Variants in CNTN5 observed in about 807,000 individuals in gnomAD.
CNTN5 encodes contactin-5.
In CNTN5, 77 loss-of-function variants were observed where a neutral mutation model predicts 129.1. The observed-to-expected ratio is 0.60, with a 90% CI of 0.50 to 0.72. The LOEUF is 0.72. CNTN5 is among the 30% of genes least tolerant of loss of function. The pLI, the probability that CNTN5 is intolerant of heterozygous loss-of-function variation, is 0.00. For missense variants in CNTN5, 1,478 were observed against 1,328.8 expected (o/e 1.11, Z -1.75); for synonymous variants, 509 against 465.6 (o/e 1.09, Z -1.20).
At chr11:99,249,054 G>C (rs1861965162) in intron 1 of CNTN5, among the ~76,000 whole-genome samples, 1 of 152,082 alleles carries the variant, frequency 6.6e-6, no homozygotes, top group South Asian at 2.1e-4. Context: ...AATTACCTTG[G>C]GCAGTATGGC....
intron 2 of CNTN5, among the ~76,000 whole-genome samples, chr11:99,552,453 T>C (rs1948524370): frequency 6.6e-6 from 1 of 152,036 alleles, no homozygotes; most frequent in Admixed American, 6.6e-5. Context: ...GCACTGATAA[T>C]TGCTAAGAAT....
chr11:99,736,785 C>T (rs1943725407), intron 3 of CNTN5, among the ~76,000 whole-genome samples: 1 of 151,938 alleles, frequency 6.6e-6, no homozygotes, highest in Non-Finnish European at 1.5e-5. Flanking sequence ...AGAGACAATA[C>T]CTACTCAAAG....
At chr11:99,792,573 G>GTGTGTGTGTGTGTCTGTCTGTCTGTC (rs34622017) in intron 3 of CNTN5, among the ~76,000 whole-genome samples, 1 of 116,614 alleles carries the variant, frequency 8.6e-6, no homozygotes, top group African/African-American at 3.7e-5. Context: ...GTGTGTGTGT[G>GTGTGTGTGTGTGTCTGTCTGTCTGTC]TGTCTGTCTG....
At chr11:99,873,570 T>A (rs552619160) in intron 6 of CNTN5, among the ~76,000 whole-genome samples, 2 of 152,102 alleles carry the variant, frequency 1.3e-5, no homozygotes, top group Non-Finnish European at 2.9e-5. Flanking sequence ...ACAACAGATA[T>A]TGGCATGGAT....
At chr11:99,506,679 C>T (rs1004915624) in intron 2 of CNTN5, among the ~76,000 whole-genome samples, 13 of 152,124 alleles carry the variant, frequency 8.5e-5, no homozygotes, top group Middle Eastern at 3.4e-3. Flanking sequence ...AATGTAGTAA[C>T]GTAAATAAGT....
chr11:99,992,520 A>AT (rs1203282154), intron 8 of CNTN5, among the ~76,000 whole-genome samples: 2 of 152,056 alleles, frequency 1.3e-5, no homozygotes, highest in Non-Finnish European at 2.9e-5. Context: ...CCATTCTTGA[A>AT]TTTTTTTAAT....
chr11:100,348,770 G>T (rs1952340982), intron 23 of CNTN5, among the ~76,000 whole-genome samples: 1 of 151,990 alleles, frequency 6.6e-6, no homozygotes, highest in Non-Finnish European at 1.5e-5. Flanking sequence ...GCATCCTCCA[G>T]GAAGTGTTCC....
In CNTN5 at chr11:100,254,941, A is replaced by G. The variant is rs539294517; in HGVS notation, c.2006-819A>G. Among the ~76,000 whole-genome samples the G allele has an allele frequency of 1.4e-4, 22 of 152,362 alleles. No homozygotes were observed. The East Asian group carries it at 4.2e-3, about 29-fold the overall frequency. On this transcript the variant is annotated intron_variant, in intron 16 of 24. Transcript: ENST00000524871. ...ATAAATACCTGTGCATTTTTAAAAT[A>G]CTATTCAAAATCACCACTAGAAATA...
At chr11:99,169,182 T>G (rs1466292997) in intron 1 of CNTN5, among the ~76,000 whole-genome samples, 3 of 152,182 alleles carry the variant, frequency 2.0e-5, no homozygotes, top group Non-Finnish European at 4.4e-5. Flanking sequence ...TGCCCTTATT[T>G]TAGAAAACTT....
At chr11:99,338,254 C>G (rs746976154) in intron 2 of CNTN5, among the ~76,000 whole-genome samples, 27 of 152,166 alleles carry the variant, frequency 1.8e-4, no homozygotes, top group Non-Finnish European at 3.7e-4. Flanking sequence ...CCAGCCTGGT[C>G]AAACAGCTCT....
Position 99,990,374 on chromosome 11 carries a change from TGTATTTATTGGCTATTTTCCAAAAAAAA to T in CNTN5, c.878-11659_878-11632del, listed in dbSNP as rs1159068517. Among the ~76,000 whole-genome samples, 694 of 151,292 alleles carry T rather than the reference TGTATTTATTGGCTATTTTCCAAAAAAAA, an allele frequency of 4.6e-3. 11 individuals carry two copies. The highest frequency in any genetic ancestry group is 0.016 in the African/African-American group (647 of 41,016). On this transcript the variant is annotated intron_variant, in intron 8 of 24. Transcript: ENST00000524871. ...TTATTGGCTTCCCTTATTTTTAGAATGTATTTATTGGCTATTTTCCAAAAAAAAATATTTTTAGAATAAATTTATTGGC... is the reference window on the plus strand; with the variant it reads ...TTATTGGCTTCCCTTATTTTTAGAATATATTTTTAGAATAAATTTATTGGC...
intron 2 of CNTN5, among the ~76,000 whole-genome samples, chr11:99,398,202 GT>G (rs893987815): frequency 6.6e-6 from 1 of 151,704 alleles, no homozygotes; most frequent in African/African-American, 2.4e-5. Context: ...ATTACAGAGT[GT>G]TTTTTTGTTT....
intron 8 of CNTN5, among the ~76,000 whole-genome samples, chr11:99,960,399 A>G (rs1049091381): frequency 2.0e-5 from 3 of 152,138 alleles, no homozygotes; most frequent in Middle Eastern, 6.8e-3. Context: ...TCTGTGCAGC[A>G]AATACAATCT....
intron 3 of CNTN5, among the ~76,000 whole-genome samples, chr11:99,598,052 G>C (rs1318710401): frequency 6.6e-6 from 1 of 152,042 alleles, no homozygotes; most frequent in African/African-American, 2.4e-5. Context: ...CCATTAGGAT[G>C]TGTCTAGAGA....
chr11:99,088,129 T>C (rs1223337848), intron 1 of CNTN5, among the ~76,000 whole-genome samples: 2 of 152,176 alleles, frequency 1.3e-5, no homozygotes, highest in Admixed American at 6.6e-5. Flanking sequence ...TCACCTCTTC[T>C]AGCAACCTTC....
At chr11:99,353,908 C>T (rs918647033) in intron 2 of CNTN5, among the ~76,000 whole-genome samples, 1 of 152,096 alleles carries the variant, frequency 6.6e-6, no homozygotes, top group Non-Finnish European at 1.5e-5. Context: ...AAGAAAAAAA[C>T]GTTTACCCCA....
chr11:100,225,832 G>C (rs1021562536), intron 16 of CNTN5, among the ~76,000 whole-genome samples: 4 of 151,954 alleles, frequency 2.6e-5, no homozygotes, highest in African/African-American at 9.7e-5. Context: ...TATTCATCTG[G>C]ACTCTTACAA....
At chr11:99,697,427 C>A (rs1010053858) in intron 3 of CNTN5, among the ~76,000 whole-genome samples, 1 of 151,570 alleles carries the variant, frequency 6.6e-6, no homozygotes, top group African/African-American at 2.4e-5. Flanking sequence ...TTGAGAATGG[C>A]ACCTTAACTC....
At chr11:99,554,674 CA>C (rs1221385196) in intron 2 of CNTN5, among the ~76,000 whole-genome samples, 3 of 151,964 alleles carry the variant, frequency 2.0e-5, no homozygotes, top group Non-Finnish European at 4.4e-5. Context: ...TTCACAATTT[CA>C]AAAAAGGTCA....
Sources: allele counts gnomAD v4.1 joint callset (sites outside exome capture counted in the v4.1 genomes callset), GRCh38; gene constraint gnomAD v4.1.1; transcripts MANE v1.5; gene names NCBI Gene and HGNC (gene_info 2026-07-23, HGNC 2026-07-21).